Variants in ZNF366 observed in about 807,000 individuals in gnomAD.
ZNF366 encodes the protein dendritic cell-specific transcript protein.
Under a neutral mutation model 47.2 loss-of-function variants are expected in ZNF366, and 20 were observed. The observed-to-expected ratio is 0.42, with a 90% CI of 0.30 to 0.62. The LOEUF is 0.62. Ranked by LOEUF, ZNF366 falls within the 20% of genes least tolerant of loss-of-function variation. The probability of loss-of-function intolerance (pLI) is 0.16; values close to 1 mark genes in which losing one functional copy is unlikely to be tolerated. For missense variants in ZNF366, 987 were observed against 976.3 expected, an observed-to-expected ratio of 1.01 and a Z score of -0.15; for synonymous variants, 421 against 395.1, an observed-to-expected ratio of 1.07 and a Z score of -0.78.
Position 72,460,466 on chromosome 5 carries a change from C to T in ZNF366, c.1031G>A (p.Arg344His), listed in dbSNP as rs757583639. 3.7e-6 allele frequency: 6 copies of T among 1,613,940 alleles called. No individual in the cohort carries two copies. Among genetic ancestry groups the T allele is most frequent in the East Asian group, 4.5e-5 (2 of 44,862 alleles). ...GAGCTCGCTGGGGTAGGCAAAGCCG[C>T]GGCCGCACACGCGGCAGTTGTGCGG... is the stretch of plus-strand genomic sequence containing the variant. ...VKPHNCRVCG[R>H]GFAYPSELKA... The change falls in exon 2 of 5, where the codon CGC becomes CAC. Residue 344 changes from arginine (R) to histidine (H), a missense_variant. This residue lies in a region of ZNF366 where 591 missense variants were observed against 560.9 expected (regional missense o/e 1.05). Transcript: ENST00000318442.
intron 1 of ZNF366, among the ~76,000 whole-genome samples, chr5:72,490,501 C>A (rs963047261): frequency 6.6e-6 from 1 of 152,108 alleles, no homozygotes; most frequent in African/African-American, 2.4e-5. Context: ...AGGAGACATG[C>A]TGAAAGATGG....
intron 1 of ZNF366, among the ~76,000 whole-genome samples, chr5:72,471,996 G>A (rs1743574505): frequency 6.6e-6 from 1 of 151,972 alleles, no homozygotes; most frequent in Non-Finnish European, 1.5e-5. Flanking sequence ...TTTTTCTTTG[G>A]GCATACAGTT....
intron 1 of ZNF366, among the ~76,000 whole-genome samples, chr5:72,488,699 C>T (rs745739259): frequency 2.6e-5 from 4 of 152,166 alleles, no homozygotes; most frequent in Non-Finnish European, 5.9e-5. Flanking sequence ...GGGGCATGTG[C>T]ATACCCCCTT....
chr5:72,448,945 C>G (rs986653034), intron 3 of ZNF366, among the ~76,000 whole-genome samples: 1 of 152,178 alleles, frequency 6.6e-6, no homozygotes, highest in Non-Finnish European at 1.5e-5. Flanking sequence ...TTTGCTCTCT[C>G]TTACTAGCAT....
rs746470697 is a variant in ZNF366 at position 72,447,294 on chromosome 5, G to A, written c.1648C>T (p.Arg550Cys). ...SKFTLKGNLT[R>C]HMKVKHGVME... Reference sequence around the variant, plus strand: ...ACTCCATGCTTGACTTTCATGTGGCGTGTCAGGTTCCCCTTCAGGGTGAAT... The same window carrying A: ...ACTCCATGCTTGACTTTCATGTGGCATGTCAGGTTCCCCTTCAGGGTGAAT... The change falls in exon 4 of 5, where the codon CGC becomes TGC. Residue 550 changes from arginine to cysteine, a missense_variant. By Grantham distance (180) the Arg-to-Cys change is radical (BLOSUM62 -3). This residue lies in a region of ZNF366 where 111 missense variants were observed against 180.5 expected (regional missense o/e 0.61). Coordinates refer to ENST00000318442, the MANE Select transcript of ZNF366 (RefSeq NM_152625.3). The A allele has an allele frequency of 3.7e-6, 6 of 1,614,070 alleles. No individual in the cohort carries two copies. The highest frequency in any genetic ancestry group is 5.1e-6 in the Non-Finnish European group (6 of 1,180,040).
chr5:72,457,077 A>G (rs1227586153), intron 2 of ZNF366, among the ~76,000 whole-genome samples: 3 of 152,130 alleles, frequency 2.0e-5, no homozygotes, highest in Non-Finnish European at 4.4e-5. Context: ...TTATATCCAC[A>G]CTGCAGTAAA....
chr5:72,473,041 T>C lies in ZNF366; in HGVS notation c.-14-11531A>G, dbSNP rs188686101. Among the ~76,000 whole-genome samples, 5 of 152,306 alleles carry C rather than the reference T, an allele frequency of 3.3e-5. No homozygotes were observed. In the East Asian group the frequency reaches 9.6e-4, roughly 29 times the overall value. On this transcript the variant is annotated intron_variant, in intron 1 of 4. Transcript: ENST00000318442. ...GGATCTCCTTGAAGCCAGGGACCAT[T>C]TCCTAAACCTTTCTGCGTTGTCACT...
At chr5:72,471,581 C>T (rs1743565551) in intron 1 of ZNF366, among the ~76,000 whole-genome samples, 3 of 152,164 alleles carry the variant, frequency 2.0e-5, no homozygotes, top group Admixed American at 1.3e-4. Flanking sequence ...GGGCCGTTCC[C>T]ATCATAGTCT....
intron 1 of ZNF366, among the ~76,000 whole-genome samples, chr5:72,462,246 G>T (rs1743330145): frequency 6.6e-6 from 1 of 152,104 alleles, no homozygotes; most frequent in Admixed American, 6.5e-5. Flanking sequence ...AGTCATCCTG[G>T]CAATGTACAC....
intron 1 of ZNF366, among the ~76,000 whole-genome samples, chr5:72,480,939 C>T (rs915672380): frequency 6.6e-6 from 1 of 152,136 alleles, no homozygotes; most frequent in Non-Finnish European, 1.5e-5. Context: ...CCCTGTATAT[C>T]GTATTGCCTA....
Position 72,475,853 on chromosome 5 carries a change from C to T in ZNF366, c.-14-14343G>A, listed in dbSNP as rs530974981. On this transcript the variant is annotated intron_variant, in intron 1 of 4. Coordinates refer to ENST00000318442, the MANE Select transcript of ZNF366 (RefSeq NM_152625.3). The stretch of plus-strand genomic sequence containing the variant: ...CAGAGGCTCTCATTGTCCATCAGCC[C>T]GTAAAATCTGGCCTCGGGGAACACG... Among the ~76,000 whole-genome samples the T allele has an allele frequency of 1.7e-4, 26 of 152,190 alleles. No homozygotes were observed. In the South Asian group the frequency reaches 3.7e-3, roughly 22 times the overall value.
chr5:72,451,734 C>G (rs758234777), intron 3 of ZNF366, among the ~76,000 whole-genome samples: 2 of 152,224 alleles, frequency 1.3e-5, no homozygotes, highest in Non-Finnish European at 2.9e-5. Flanking sequence ...AGTAGAAATG[C>G]AAGCGGTTGT....
intron 1 of ZNF366, among the ~76,000 whole-genome samples, chr5:72,483,409 G>A (rs1743827492): frequency 1.3e-5 from 2 of 152,090 alleles, no homozygotes; most frequent in Admixed American, 1.3e-4. Context: ...CACCACTGTG[G>A]TGGGTCCCAG....
intron 1 of ZNF366, among the ~76,000 whole-genome samples, chr5:72,493,406 A>G (rs984531379): frequency 1.1e-4 from 17 of 152,370 alleles, no homozygotes; most frequent in Admixed American, 8.5e-4. Context: ...CAGATAATAA[A>G]GGAAAGAATT....
chr5:72,460,433 T>A lies in ZNF366; in HGVS notation c.1064A>T (p.His355Leu). 6.2e-7 allele frequency: 1 copy of A among 1,614,170 alleles called. No homozygotes were observed. The highest frequency in any genetic ancestry group is 8.5e-7 in the Non-Finnish European group (1 of 1,180,024). ...GFAYPSELKA[H>L]EAKHASGREN... is the part of the protein sequence containing the mutation. Reference sequence around the variant, plus strand: ...GCGCCCACTGGCGTGCTTGGCTTCGTGGGCCTTGAGCTCGCTGGGGTAGGC... The same window carrying A: ...GCGCCCACTGGCGTGCTTGGCTTCGAGGGCCTTGAGCTCGCTGGGGTAGGC... Residue 355 changes from histidine (H) to leucine (L), a missense_variant, in exon 2 of 5, where the codon CAC (histidine) becomes CTC (leucine). Transcript: ENST00000318442.
intron 3 of ZNF366, among the ~76,000 whole-genome samples, chr5:72,452,197 C>T (rs753712340): frequency 3.9e-5 from 6 of 152,222 alleles, no homozygotes; most frequent in African/African-American, 7.2e-5. Context: ...CTGCCCTTCC[C>T]GCACATTCTT....
chr5:72,487,484 A>G (rs1316646608), intron 1 of ZNF366, among the ~76,000 whole-genome samples: 1 of 152,174 alleles, frequency 6.6e-6, no homozygotes, highest in South Asian at 2.1e-4. Flanking sequence ...ATGCCTTTTA[A>G]GGCCATATTT....
chr5:72,465,215 A>T (rs1038102580), intron 1 of ZNF366, among the ~76,000 whole-genome samples: 1 of 152,126 alleles, frequency 6.6e-6, no homozygotes, highest in Admixed American at 6.5e-5. Flanking sequence ...ACTAGATCTG[A>T]TTTCCCCTTG....
intron 1 of ZNF366, among the ~76,000 whole-genome samples, chr5:72,503,775 G>A (rs1016486201): frequency 2.0e-5 from 3 of 152,192 alleles, no homozygotes; most frequent in Non-Finnish European, 4.4e-5. Flanking sequence ...ACTCAGCTTC[G>A]ATTTGTCCCT....
Sources: gnomAD v4.1 joint callset for allele counts (sites outside exome capture counted in the v4.1 genomes callset) on GRCh38, gnomAD v4.1.1 for gene constraint, gnomAD v4.1.1 regional missense constraint, MANE v1.5 for transcripts, NCBI Gene and HGNC (gene_info 2026-07-23, HGNC 2026-07-21) for gene names.